The following CAP1 variants were observed in gnomAD, a reference collection of about 807,000 sequenced individuals.
CAP1 encodes the protein cyclase associated actin cytoskeleton regulatory protein 1, also known as adenylyl cyclase-associated protein 1.
A neutral mutation model predicts 58.2 loss-of-function variants in CAP1; 11 were observed. The observed-to-expected ratio is 0.19, with a 90% CI of 0.12 to 0.31. CAP1 has a LOEUF of 0.31. Among genes scored for constraint, CAP1 ranks in the 10% least tolerant of loss-of-function variants. The pLI, the probability that CAP1 is intolerant of heterozygous loss-of-function variation, is 1.00. For missense variants in CAP1, 423 were observed against 587.5 expected (o/e 0.72, Z 2.89); for synonymous variants, 183 against 213.8 (o/e 0.86, Z 1.26).
At chr1:40,070,767 AC>A in intron 11 of CAP1, 68 bp from the exon 12 acceptor site, 1 of 1,412,926 alleles carries the variant, frequency 7.1e-7, no homozygotes, top group Admixed American at 2.1e-5. Context: ...GAAACAGGAA[AC>A]CTTTTCCTGC....
intron 12 of CAP1, among the ~76,000 whole-genome samples, chr1:40,071,184 C>T (rs1647916526): frequency 6.6e-6 from 1 of 152,016 alleles, no homozygotes; most frequent in African/African-American, 2.4e-5. Flanking sequence ...CTCAAGGTAG[C>T]AAAAAATAAT....
rs369042423 is a variant in CAP1 at position 40,070,246 on chromosome 1, T to C, written c.1081T>C (p.Leu361=). 6.2e-5 allele frequency: 100 copies of C among 1,614,186 alleles called. No homozygotes were observed. In the East Asian group the frequency reaches 7.1e-4, roughly 12 times the overall value. The change falls in exon 10 of 13, where the codon TTG becomes CTG. Residue 361 remains leucine, a synonymous_variant. Coordinates refer to ENST00000372805, the MANE Select transcript of CAP1 (RefSeq NM_006367.4). ...AYIYKCVNTT[L]QIKGKINSIT... is the part of the protein sequence containing the mutation. Reference sequence around the variant, plus strand: ...CATATACAAGTGTGTCAACACGACATTGCAAATCAAGGGCAAAATTAACTC... The same window carrying C: ...CATATACAAGTGTGTCAACACGACACTGCAAATCAAGGGCAAAATTAACTC...
At chr1:40,065,516 C>G (rs942302482) in intron 6 of CAP1, among the ~76,000 whole-genome samples, 1 of 152,236 alleles carries the variant, frequency 6.6e-6, no homozygotes, top group Admixed American at 6.5e-5. Flanking sequence ...ACTTCCTTAT[C>G]CTTCTAGCAA....
chr1:40,041,372 G>C (rs1031921800), intron 1 of CAP1: 18 of 152,096 alleles, frequency 1.2e-4, no homozygotes, highest in Non-Finnish European at 1.6e-4. Context: ...AAATTGAGCC[G>C]TTTGAAATGC....
chr1:40,043,247 G>T (rs1645923937), intron 1 of CAP1, among the ~76,000 whole-genome samples: 1 of 152,098 alleles, frequency 6.6e-6, no homozygotes, highest in Admixed American at 6.5e-5. Context: ...GCCCAGGCTG[G>T]TGTGCAGTGG....
chr1:40,072,428 G>A lies in CAP1; in HGVS notation c.*895G>A. ...AGGACTGAAACCTCCACTGCAGGCT[G>A]GTTTTAGGTCTTGAATTATGTAAGA... On this transcript the variant is annotated 3_prime_UTR_variant, in exon 13 of 13. Coordinates refer to ENST00000372805, the MANE Select transcript of CAP1 (RefSeq NM_006367.4). The A allele has an allele frequency of 4.6e-6, 1 of 215,742 alleles. No individual in the cohort carries two copies. Among genetic ancestry groups the A allele is most frequent in the Non-Finnish European group, 9.1e-6 (1 of 110,178 alleles). 13.4% of individuals were successfully genotyped at this position (215,742 alleles called of 1,614,324 possible).
intron 1 of CAP1, among the ~76,000 whole-genome samples, chr1:40,051,821 G>A (rs1046058168): frequency 2.0e-5 from 3 of 152,000 alleles, no homozygotes; most frequent in Non-Finnish European, 2.9e-5. Context: ...CGCCTGCCTC[G>A]GCCTCCCAAA....
At chr1:40,070,398 T>TA in intron 10 of CAP1, 32 bp from the exon 11 acceptor site, 1 of 1,456,372 alleles carries the variant, frequency 6.9e-7, no homozygotes. Flanking sequence ...CCTTTAAAGT[T>TA]ACACGTTGAC....
At chr1:40,043,882 A>AG (rs1239821111) in intron 1 of CAP1, among the ~76,000 whole-genome samples, 1 of 151,738 alleles carries the variant, frequency 6.6e-6, no homozygotes, top group Non-Finnish European at 1.5e-5. Flanking sequence ...CTCAAAAAAA[A>AG]AAGAAAAGAA....
At chr1:40,066,813 C>T (rs964170634) in intron 7 of CAP1, among the ~76,000 whole-genome samples, 1 of 152,090 alleles carries the variant, frequency 6.6e-6, no homozygotes, top group Non-Finnish European at 1.5e-5. Flanking sequence ...ACAGCTTAAA[C>T]AAAATACATG....
intron 1 of CAP1, among the ~76,000 whole-genome samples, chr1:40,056,291 G>A (rs1170974086): frequency 7.5e-6 from 1 of 133,224 alleles, no homozygotes; most frequent in African/African-American, 2.8e-5. Context: ...ATGTCTAGGT[G>A]AAAGCTGGAT....
At chr1:40,071,128 C>A in intron 12 of CAP1, 149 bp downstream of exon 12, 1 of 792,530 alleles carries the variant, frequency 1.3e-6, no homozygotes, top group Non-Finnish European at 2.0e-6. Flanking sequence ...TGAGGTAGTC[C>A]CATGTAGTGG....
At chr1:40,044,778 C>T (rs1217685209) in intron 1 of CAP1, among the ~76,000 whole-genome samples, 1 of 148,344 alleles carries the variant, frequency 6.7e-6, no homozygotes, top group Non-Finnish European at 1.5e-5. Context: ...ACATTTTGGG[C>T]CATATAATTC....
chr1:40,065,734 G>C (rs1052675476), intron 6 of CAP1, among the ~76,000 whole-genome samples: 1 of 152,048 alleles, frequency 6.6e-6, no homozygotes, highest in Admixed American at 6.5e-5. Context: ...TTTTGGTCAG[G>C]GTGGGCATAT....
At chr1:40,062,459 T>C (rs758407125) in intron 4 of CAP1, among the ~76,000 whole-genome samples, 4 of 152,038 alleles carry the variant, frequency 2.6e-5, no homozygotes, top group Non-Finnish European at 4.4e-5. Context: ...GTCAAATATA[T>C]TAGATTCTGG....
At chr1:40,054,022 G>A (rs1273827711) in intron 1 of CAP1, among the ~76,000 whole-genome samples, 8 of 152,072 alleles carry the variant, frequency 5.3e-5, no homozygotes, top group Admixed American at 4.6e-4. Flanking sequence ...AAAGACAGGA[G>A]GGTTTGTAAG....
rs1647612850 is a variant in CAP1, at chr1:40,070,225, T to C, written c.1060T>C (p.Tyr354His). The part of the protein sequence containing the change: ...DTELKQVAYI[Y>H]KCVNTTLQIK... ...AGAGCTGAAACAGGTGGCTTACATA[T>C]ACAAGTGTGTCAACACGACATTGCA... Residue 354 changes from tyrosine to histidine, a missense_variant, in exon 10 of 13, where the codon TAC becomes CAC. Transcript: ENST00000372805. The C allele has an allele frequency of 6.2e-7, 1 of 1,614,058 alleles. No individual in the cohort carries two copies. The highest frequency in any genetic ancestry group is 1.1e-5 in the South Asian group (1 of 91,086).
chr1:40,062,231 TTA>T (rs1477687892), intron 4 of CAP1, among the ~76,000 whole-genome samples: 1 of 152,062 alleles, frequency 6.6e-6, no homozygotes, highest in Non-Finnish European at 1.5e-5. Flanking sequence ...GACTCTCTCT[TTA>T]ATTTTACTCC....
At chr1:40,041,189 G>A (rs1208579670) in intron 1 of CAP1, among the ~76,000 whole-genome samples, 1 of 152,256 alleles carries the variant, frequency 6.6e-6, no homozygotes, top group East Asian at 1.9e-4. Context: ...TATATAGCGA[G>A]TGAGGAAAAG....
Sources: allele counts gnomAD v4.1 joint callset (sites outside exome capture counted in the v4.1 genomes callset), GRCh38; gene constraint gnomAD v4.1.1; transcripts MANE v1.5; gene names NCBI Gene and HGNC (gene_info 2026-07-23, HGNC 2026-07-21).